PIP4K2C: variants seen among roughly 807,000 people sequenced by gnomAD.
The protein encoded by PIP4K2C is phosphatidylinositol 5-phosphate 4-kinase type-2 gamma.
In PIP4K2C, 21 loss-of-function variants were observed where a neutral mutation model predicts 45.0. The observed-to-expected ratio is 0.47, with a 90% CI of 0.33 to 0.67. The LOEUF (loss-of-function observed/expected upper bound fraction) is 0.67. PIP4K2C is among the 30% of genes least tolerant of loss of function. The pLI is 0.02. For missense variants in PIP4K2C, 456 were observed against 542.8 expected (o/e 0.84, Z 1.59); for synonymous variants, 201 against 204.8 (o/e 0.98, Z 0.16).
rs1883532799 is a variant in PIP4K2C, at chr12:57,603,379, G to A, written c.*1773G>A. On this transcript the variant is annotated 3_prime_UTR_variant, in exon 10 of 10. Transcript: ENST00000354947. The stretch of plus-strand genomic sequence containing the variant: ...AATAAAAATTTATGTATTTGCTCCT[G>A]TTACTATAATAATACAGGGAATAAA... 1 of 148,092 alleles carries A rather than the reference G, an allele frequency of 6.8e-6. No homozygotes were observed. The highest frequency in any genetic ancestry group is 2.5e-5 in the African/African-American group (1 of 40,210). 9.2% of individuals were successfully genotyped at this position (148,092 alleles called of 1,614,324 possible).
chr12:57,592,190 A>G (rs1882993327), intron 1 of PIP4K2C, among the ~76,000 whole-genome samples: 1 of 152,274 alleles, frequency 6.6e-6, no homozygotes, highest in South Asian at 2.1e-4. Flanking sequence ...TCCTGAGGTC[A>G]CTATGGTGGT....
intron 2 of PIP4K2C, 140 bp downstream of exon 2, chr12:57,594,262 A>G (rs1883097059): frequency 5.8e-6 from 4 of 688,886 alleles, no homozygotes; most frequent in Non-Finnish European, 9.6e-6. Context: ...CCATGAGAAT[A>G]ATTTCTGGTG....
Position 57,602,434 on chromosome 12 carries a change from C to G in PIP4K2C, c.*828C>G, listed in dbSNP as rs1883481152. On this transcript the variant is annotated 3_prime_UTR_variant, in exon 10 of 10. Coordinates refer to ENST00000354947, the MANE Select transcript of PIP4K2C (RefSeq NM_024779.5). ...TCACACCTCTCCTGGGACTGGAACCCTTCAGTGGGTGTGTGGCCAGTTTTG... is the reference window on the plus strand; with the variant it reads ...TCACACCTCTCCTGGGACTGGAACCGTTCAGTGGGTGTGTGGCCAGTTTTG... The G allele has an allele frequency of 6.6e-6, 1 of 152,262 alleles. No homozygotes were observed. Among genetic ancestry groups the G allele is most frequent in the South Asian group, 2.1e-4 (1 of 4,832 alleles). 9.4% of individuals were successfully genotyped at this position (152,262 alleles called of 1,614,324 possible).
rs200487315 is a variant in PIP4K2C at position 57,594,132 on chromosome 12, G to A, written c.272+10G>A. 4 of 1,600,842 alleles carry A rather than the reference G, an allele frequency of 2.5e-6. No individual in the cohort carries two copies. The highest frequency in any genetic ancestry group is 3.4e-6 in the Non-Finnish European group (4 of 1,171,472). On this transcript the variant is annotated intron_variant, in intron 2 of 9. Transcript: ENST00000354947. ...ATCACCTTTTCCACAGGTAAGTGAT[G>A]ATCCTTGCCATTCTCATGTCAACCT...
Position 57,601,027 on chromosome 12 carries a change from C to G in PIP4K2C, c.1030C>G (p.Pro344Ala), listed in dbSNP as rs770579643. The change falls in exon 8 of 10, where the codon CCA becomes GCA. Residue 344 changes from proline (P) to alanine (A), a missense_variant. Around this residue, in one of 2 missense-constraint regions of PIP4K2C, gnomAD observed 421 missense variants for 473.1 expected, o/e 0.89. Transcript: ENST00000354947. Reference sequence around the variant, plus strand: ...CATCCATTCCCATCGGCCCCTGGGCCCAGGAGAGTTTGAGTCCTTCATTGA... The same window carrying G: ...CATCCATTCCCATCGGCCCCTGGGCGCAGGAGAGTTTGAGTCCTTCATTGA... ...GYIHSHRPLG[P>A]GEFESFIDVY... 6.2e-7 allele frequency: 1 copy of G among 1,613,964 alleles called. No homozygotes were observed. Among genetic ancestry groups the G allele is most frequent in the East Asian group, 2.2e-5 (1 of 44,870 alleles).
At chr12:57,591,605 C>T (rs553989873) in intron 1 of PIP4K2C, 142 bp downstream of exon 1, 1 of 900,424 alleles carries the variant, frequency 1.1e-6, no homozygotes, top group African/African-American at 1.7e-5. Flanking sequence ...CCACCAACCC[C>T]AGGTGTTCCC....
intron 8 of PIP4K2C, 69 bp downstream of exon 8, chr12:57,601,147 G>T: frequency 6.3e-7 from 1 of 1,597,866 alleles, no homozygotes; most frequent in Non-Finnish European, 8.6e-7. Context: ...CAGAGTGCTG[G>T]GGGAGAGCCT....
Position 57,597,715 on chromosome 12 carries a change from G to A in PIP4K2C, c.514-1350G>A, listed in dbSNP as rs184314454. 2.3e-4 allele frequency among the ~76,000 whole-genome samples: 35 copies of A among 152,268 alleles called. 1 individual carries two copies. The East Asian group carries it at 6.0e-3, about 26-fold the overall frequency. Reference sequence around the variant, plus strand: ...CCCATAAAGGAAACTAAGAGTAGATGGACACTTTTAATTATTTATGCCATG... The same window carrying A: ...CCCATAAAGGAAACTAAGAGTAGATAGACACTTTTAATTATTTATGCCATG... On this transcript the variant is annotated intron_variant, in intron 4 of 9. Coordinates refer to ENST00000354947, the MANE Select transcript of PIP4K2C (RefSeq NM_024779.5).
At chr12:57,600,570 T>G (rs1238062630) in intron 7 of PIP4K2C, 133 bp downstream of exon 7, 1 of 800,570 alleles carries the variant, frequency 1.2e-6, no homozygotes, top group Non-Finnish European at 2.0e-6. Flanking sequence ...ATATGGGGGT[T>G]TAGTATGAGA....
intron 1 of PIP4K2C, 110 bp downstream of exon 1, chr12:57,591,573 C>G: frequency 7.6e-7 from 1 of 1,308,350 alleles, no homozygotes; most frequent in South Asian, 1.6e-5. Context: ...ACTCCCCTCC[C>G]CCGGGTTGTC....
rs2140191020 is a variant in PIP4K2C at position 57,599,163 on chromosome 12, C to T, written c.612C>T (p.Arg204=). The T allele has an allele frequency of 6.2e-7, 1 of 1,614,176 alleles. No homozygotes were observed. Among genetic ancestry groups the T allele is most frequent in the Non-Finnish European group, 8.5e-7 (1 of 1,180,036 alleles). ...DNEDSYMLVM[R]NMFSHRLPVH... ...AAGACAGCTACATGCTTGTGATGCG[C>T]AATATGTTTAGCCACCGTCTTCCTG... The change falls in exon 5 of 10, where the codon CGC becomes CGT. Residue 204 remains arginine (R), a synonymous_variant. Coordinates refer to ENST00000354947, the MANE Select transcript of PIP4K2C (RefSeq NM_024779.5).
rs1178068681 is a variant in PIP4K2C, at chr12:57,603,251, A to G, written c.*1645A>G. 1 of 152,542 alleles carries G rather than the reference A, an allele frequency of 6.6e-6. No homozygotes were observed. Among genetic ancestry groups the G allele is most frequent in the East Asian group, 1.9e-4 (1 of 5,198 alleles). The allele number at this position is 152,542 out of a possible 1,614,324, so 9.4% of individuals were successfully genotyped here. On this transcript the variant is annotated 3_prime_UTR_variant, in exon 10 of 10. Coordinates refer to ENST00000354947, the MANE Select transcript of PIP4K2C (RefSeq NM_024779.5). ...ATAAAACTCTGTGACACCAGCAACC[A>G]TTGCTCTTTAGAAATGGGTTTTCTG...
At chr12:57,596,484 T>TA (rs76543234) in intron 4 of PIP4K2C, among the ~76,000 whole-genome samples, 269 of 93,510 alleles carry the variant, frequency 2.9e-3, no homozygotes, top group Admixed American at 3.3e-3. Context: ...AAACTCCGCC[T>TA]AAAAAAAAAA....
chr12:57,599,263 T>C (rs1367015745), intron 5 of PIP4K2C, 52 bp downstream of exon 5: 2 of 1,609,096 alleles, frequency 1.2e-6, no homozygotes, highest in Non-Finnish European at 1.7e-6. Flanking sequence ...AGCCTGAGAA[T>C]GGGGAAGACC....
intron 3 of PIP4K2C, among the ~76,000 whole-genome samples, chr12:57,595,664 C>G (rs1238981282): frequency 1.4e-5 from 2 of 145,202 alleles, no homozygotes; most frequent in Non-Finnish European, 3.0e-5. Context: ...GATCGTACCA[C>G]TACACTCCAG....
Position 57,601,663 on chromosome 12 carries a change from G to A in PIP4K2C, c.*57G>A, listed in dbSNP as rs1338036402. ...TGGTGGGGTTCTGAGACACTTGGGG[G>A]AATTGTGGGGATATTCTAGCCACCA... On this transcript the variant is annotated 3_prime_UTR_variant, in exon 10 of 10. Transcript: ENST00000354947. 12 of 1,416,680 alleles carry A rather than the reference G, an allele frequency of 8.5e-6. No individual in the cohort carries two copies. The highest frequency in any genetic ancestry group is 3.3e-5 in the Admixed American group (2 of 59,716). The allele number at this position is 1,416,680 out of a possible 1,614,324, so 87.8% of individuals were successfully genotyped here. A position where few individuals can be genotyped will look rare whatever the true frequency, so the allele number is the denominator to read the frequency against.
intron 2 of PIP4K2C, among the ~76,000 whole-genome samples, chr12:57,594,412 C>T (rs1462218347): frequency 2.0e-5 from 3 of 152,144 alleles, no homozygotes; most frequent in Non-Finnish European, 4.4e-5. Context: ...GAACCATTAG[C>T]TTCTGACAGG....
intron 3 of PIP4K2C, 36 bp from the exon 4 acceptor site, chr12:57,595,852 G>A (rs1565712674): frequency 1.9e-6 from 3 of 1,610,416 alleles, no homozygotes; most frequent in East Asian, 4.5e-5. Context: ...ATATAAAGAG[G>A]GAGGAAAAGA....
intron 6 of PIP4K2C, 134 bp downstream of exon 6, chr12:57,599,572 A>AC (rs1355259863): frequency 3.0e-6 from 3 of 1,016,214 alleles, no homozygotes; most frequent in Non-Finnish European, 4.5e-6. Flanking sequence ...AAACCACTTA[A>AC]AAGAAGGGGG....
Sources: allele counts gnomAD v4.1 joint callset (sites outside exome capture counted in the v4.1 genomes callset), GRCh38; gene constraint gnomAD v4.1.1; regional missense constraint gnomAD v4.1.1; transcripts MANE v1.5; gene names NCBI Gene and HGNC (gene_info 2026-07-23, HGNC 2026-07-21).